Variants in TMEM178B observed in about 807,000 individuals in gnomAD.
TMEM178B encodes the protein transmembrane protein 178B.
In TMEM178B, 5 loss-of-function variants were observed where a neutral mutation model predicts 31.0. That is an observed-to-expected ratio of 0.16 (90% CI 0.08 to 0.34). The LOEUF is 0.34. Ranked by LOEUF, TMEM178B falls within the 10% of genes least tolerant of loss-of-function variation. The pLI is 1.00. For synonymous variants in TMEM178B, 164 were observed against 164.0 expected (o/e 1.00, Z 0.00); for missense variants, 275 against 400.3 (o/e 0.69, Z 2.67).
At chr7:141,230,737 A>C (rs890057358) in intron 2 of TMEM178B, among the ~76,000 whole-genome samples, 1 of 152,240 alleles carries the variant, frequency 6.6e-6, no homozygotes, top group Non-Finnish European at 1.5e-5. Context: ...TCTGAGCTTA[A>C]GCAATCCTCC....
chr7:141,095,049 A>G (rs1182569960), intron 1 of TMEM178B, among the ~76,000 whole-genome samples: 1 of 152,254 alleles, frequency 6.6e-6, no homozygotes, highest in East Asian at 1.9e-4. Flanking sequence ...CTTGGAAAAA[A>G]GAGTCTGGCT....
rs115476210 is a variant in TMEM178B at position 141,336,164 on chromosome 7, C to T, written c.497-101444C>T. Among the ~76,000 whole-genome samples the T allele has an allele frequency of 2.9e-3, 440 of 152,224 alleles. 2 individuals carry two copies. Among genetic ancestry groups the T allele is most frequent in the African/African-American group, 9.7e-3 (402 of 41,528 alleles). Reference sequence around the variant, plus strand: ...CCCGCCCTGGTCATCCTGGGCTACACGACTTTATTTGCTGCTCTTCCTCAT... The same window carrying T: ...CCCGCCCTGGTCATCCTGGGCTACATGACTTTATTTGCTGCTCTTCCTCAT... On this transcript the variant is annotated intron_variant, in intron 2 of 3. Coordinates refer to ENST00000565468, the MANE Select transcript of TMEM178B (RefSeq NM_001195278.2).
chr7:141,090,194 T>A (rs957931652), intron 1 of TMEM178B, among the ~76,000 whole-genome samples: 1 of 152,214 alleles, frequency 6.6e-6, no homozygotes, highest in Admixed American at 6.5e-5. Context: ...TTTAAAAAAA[T>A]TTAATTTTAG....
chr7:141,491,608 T>C, the TMEM178B span, among the ~76,000 whole-genome samples: 1 of 152,190 alleles, frequency 6.6e-6, no homozygotes, highest in African/African-American at 2.4e-5. Context: ...ATTTACTATA[T>C]ACCAATCACT....
At chr7:141,312,060 C>T (rs924479306) in intron 2 of TMEM178B, among the ~76,000 whole-genome samples, 1 of 152,224 alleles carries the variant, frequency 6.6e-6, no homozygotes, top group Non-Finnish European at 1.5e-5. Context: ...CCTGTGGCCT[C>T]TACTCTGTAA....
intron 2 of TMEM178B, among the ~76,000 whole-genome samples, chr7:141,274,452 C>G (rs1798234419): frequency 6.6e-6 from 1 of 152,216 alleles, no homozygotes; most frequent in Non-Finnish European, 1.5e-5. Flanking sequence ...GGTTCTGACT[C>G]TCTATCATAA....
At chr7:141,315,471 C>T (rs1385161178) in intron 2 of TMEM178B, among the ~76,000 whole-genome samples, 2 of 146,744 alleles carry the variant, frequency 1.4e-5, no homozygotes, top group Non-Finnish European at 3.1e-5. Flanking sequence ...CTAGAATGCC[C>T]TCTCACTTTC....
At chr7:141,142,840 T>A (rs969330044) in intron 1 of TMEM178B, among the ~76,000 whole-genome samples, 45 of 152,362 alleles carry the variant, frequency 3.0e-4, no homozygotes, top group Non-Finnish European at 4.6e-4. Context: ...TTCCCACCAA[T>A]AATGTATAAG....
intron 2 of TMEM178B, among the ~76,000 whole-genome samples, chr7:141,225,105 C>A (rs1238287279): frequency 6.6e-6 from 1 of 152,186 alleles, no homozygotes; most frequent in Non-Finnish European, 1.5e-5. Context: ...GGAATTGAGA[C>A]AAGAGATCTA....
At chr7:141,283,787 G>A (rs1178251328) in intron 2 of TMEM178B, among the ~76,000 whole-genome samples, 1 of 152,120 alleles carries the variant, frequency 6.6e-6, no homozygotes, top group African/African-American at 2.4e-5. Context: ...TTTTCTCTGG[G>A]ACCAGAATGA....
intron 1 of TMEM178B, among the ~76,000 whole-genome samples, chr7:141,142,703 G>C (rs1031023585): frequency 6.6e-6 from 1 of 152,112 alleles, no homozygotes; most frequent in Non-Finnish European, 1.5e-5. Context: ...CACCACCCCC[G>C]GCCGAACAAT....
chr7:141,149,499 G>A (rs577222661), intron 1 of TMEM178B, among the ~76,000 whole-genome samples: 1 of 152,318 alleles, frequency 6.6e-6, no homozygotes, highest in Admixed American at 6.5e-5. Context: ...AGTGAGCCGA[G>A]ATCGTGCCAC....
chr7:141,303,347 T>C, intron 2 of TMEM178B, among the ~76,000 whole-genome samples: 1 of 152,176 alleles, frequency 6.6e-6, no homozygotes, highest in East Asian at 1.9e-4. Context: ...CTTCCATGAA[T>C]AGTTGTCTTG....
intron 2 of TMEM178B, among the ~76,000 whole-genome samples, chr7:141,369,224 T>G (rs1028243664): frequency 6.6e-6 from 1 of 152,144 alleles, no homozygotes; most frequent in Non-Finnish European, 1.5e-5. Context: ...AATAAAGATG[T>G]AGTTTCTTAA....
At chr7:141,127,142 C>T (rs1795511695) in intron 1 of TMEM178B, among the ~76,000 whole-genome samples, 1 of 152,136 alleles carries the variant, frequency 6.6e-6, no homozygotes, top group Admixed American at 6.6e-5. Flanking sequence ...GTGTCCCTAC[C>T]TCTTGGGCAT....
intron 1 of TMEM178B, among the ~76,000 whole-genome samples, chr7:141,196,018 T>TA (rs1187270675): frequency 1.3e-5 from 2 of 152,174 alleles, no homozygotes; most frequent in African/African-American, 4.8e-5. Flanking sequence ...TTCTGGGAGA[T>TA]ACAATTCAAG....
chr7:141,170,374 G>T (rs117387131), intron 1 of TMEM178B, among the ~76,000 whole-genome samples: 256 of 152,136 alleles, frequency 1.7e-3, no homozygotes, highest in East Asian at 6.4e-3. Flanking sequence ...GTCTTACAGT[G>T]GATTATACCT....
chr7:141,283,707 A>C (rs1798400807), intron 2 of TMEM178B, among the ~76,000 whole-genome samples: 1 of 152,132 alleles, frequency 6.6e-6, no homozygotes, highest in African/African-American at 2.4e-5. Flanking sequence ...ACCATCTATC[A>C]CTGGAGTCAG....
At chr7:141,110,389 C>A (rs1795214497) in intron 1 of TMEM178B, among the ~76,000 whole-genome samples, 1 of 152,172 alleles carries the variant, frequency 6.6e-6, no homozygotes, top group African/African-American at 2.4e-5. Flanking sequence ...GAAGAACACA[C>A]AAATATTGAT....
Sources: gnomAD v4.1 joint callset for allele counts (sites outside exome capture counted in the v4.1 genomes callset) on GRCh38, gnomAD v4.1.1 for gene constraint, MANE v1.5 for transcripts, NCBI Gene and HGNC (gene_info 2026-07-23, HGNC 2026-07-21) for gene names.